MOCS1: variants seen among roughly 807,000 people sequenced by gnomAD.
The protein encoded by MOCS1 is molybdenum cofactor biosynthesis protein 1.
A neutral mutation model predicts 57.6 loss-of-function variants in MOCS1; 39 were observed. That is an observed-to-expected ratio of 0.68 (90% CI 0.52 to 0.88). MOCS1 has a LOEUF of 0.88. Among genes scored for constraint, MOCS1 ranks in the 40% least tolerant of loss-of-function variants. The probability of loss-of-function intolerance (pLI) is 0.00; values close to 1 mark genes in which losing one functional copy is unlikely to be tolerated. For missense variants in MOCS1, 795 were observed against 831.1 expected, an observed-to-expected ratio of 0.96 and a Z score of 0.53; for synonymous variants, 334 against 335.7, an observed-to-expected ratio of 1.00 and a Z score of 0.05.
chr6:39,927,156 T>A, intron 2 of MOCS1, 173 bp downstream of exon 2: 1 of 671,276 alleles, frequency 1.5e-6, no homozygotes, highest in Non-Finnish European at 2.6e-6. Context: ...AACTCAGCCT[T>A]GACCCCTATC....
intron 3 of MOCS1, among the ~76,000 whole-genome samples, chr6:39,924,667 AATGGGC>A (rs1310367090): frequency 2.0e-5 from 3 of 152,238 alleles, no homozygotes; most frequent in East Asian, 3.8e-4. Flanking sequence ...TATGTAAATG[AATGGGC>A]ATGGCTATAT....
intron 3 of MOCS1, among the ~76,000 whole-genome samples, chr6:39,922,608 G>T (rs1040838417): frequency 3.3e-5 from 5 of 152,134 alleles, no homozygotes; most frequent in African/African-American, 1.2e-4. Flanking sequence ...AAAAGAAGGG[G>T]CATGGGACTT....
chr6:39,914,326 T>C (rs1156651737), intron 4 of MOCS1, among the ~76,000 whole-genome samples: 1 of 152,120 alleles, frequency 6.6e-6, no homozygotes, highest in African/African-American at 2.4e-5. Context: ...AGACCCAGAG[T>C]GAGGCAATGC....
chr6:39,914,660 G>A (rs1767550734), intron 4 of MOCS1, among the ~76,000 whole-genome samples: 1 of 152,144 alleles, frequency 6.6e-6, no homozygotes, highest in Admixed American at 6.5e-5. Context: ...GCCTAGAGAT[G>A]GCCTCCATGG....
chr6:39,911,929 T>C lies in MOCS1; in HGVS notation c.981+335A>G, dbSNP rs143187655. 2.4e-3 allele frequency among the ~76,000 whole-genome samples: 370 copies of C among 152,326 alleles called. 1 individual carries two copies. The highest frequency in any genetic ancestry group is 8.4e-3 in the African/African-American group (350 of 41,578). ...ATTTCTGGTTTCAGAGCTGAGCCCC[T>C]GGCCTGGTGGAAGGGGCTAACCATG... is the stretch of plus-strand genomic sequence containing the variant. On this transcript the variant is annotated intron_variant, in intron 8 of 10. Transcript: ENST00000340692.
At position 39,904,696 on chromosome 6, in the gene MOCS1, A is replaced by G. The variant is rs865895422; in HGVS notation, c.*1661T>C. 2 of 452,868 alleles carry G rather than the reference A, an allele frequency of 4.4e-6. No homozygotes were observed. The highest frequency in any genetic ancestry group is 4.1e-5 in the African/African-American group (2 of 49,174). 28.1% of individuals were successfully genotyped at this position (452,868 alleles called of 1,614,324 possible). On this transcript the variant is annotated 3_prime_UTR_variant, in exon 11 of 11. Coordinates refer to ENST00000340692, the MANE Select transcript of MOCS1 (RefSeq NM_001358530.2). ...ACCAACTGGGGAACTGTGACTATCT[A>G]TCTCCCCCGACTTCTACCAGGGATG...
intron 3 of MOCS1, among the ~76,000 whole-genome samples, chr6:39,920,643 T>C (rs1767912511): frequency 6.6e-6 from 1 of 152,200 alleles, no homozygotes; most frequent in Admixed American, 6.5e-5. Context: ...ACACACAGCA[T>C]GACACTTACA....
intron 7 of MOCS1, among the ~76,000 whole-genome samples, chr6:39,912,583 A>AGCT (rs1767399081): frequency 6.6e-6 from 1 of 152,166 alleles, no homozygotes; most frequent in South Asian, 2.1e-4. Context: ...CCTAGATAAA[A>AGCT]GCTGCTAAGG....
chr6:39,916,122 T>G lies in MOCS1; in HGVS notation c.529A>C (p.Ile177Leu), dbSNP rs767025683. 6.2e-7 allele frequency: 1 copy of G among 1,613,906 alleles called. No homozygotes were observed. Among genetic ancestry groups the G allele is most frequent in the African/African-American group, 1.3e-5 (1 of 75,028 alleles). ...LQKAGLSAIN[I>L]SLDTLVPAKF... ...GCAGGCACCAGGGTGTCCAGGCTGA[T>G]GTTGATGGCACTGAGACCAGCCTTC... The change falls in exon 4 of 11, where the codon ATC (isoleucine) becomes CTC (leucine). Residue 177 changes from isoleucine (I) to leucine (L), a missense_variant. Coordinates refer to ENST00000340692, the MANE Select transcript of MOCS1 (RefSeq NM_001358530.2).
At chr6:39,920,024 G>C (rs1361261689) in intron 3 of MOCS1, among the ~76,000 whole-genome samples, 1 of 152,124 alleles carries the variant, frequency 6.6e-6, no homozygotes, top group Non-Finnish European at 1.5e-5. Context: ...TGTTTTTTCA[G>C]ATGGGGAGGA....
chr6:39,906,666 C>T lies in MOCS1; in HGVS notation c.1602G>A (p.Val534=), dbSNP rs1205991422. The T allele has an allele frequency of 1.2e-6, 2 of 1,613,926 alleles. No individual in the cohort carries two copies. Among genetic ancestry groups the T allele is most frequent in the East Asian group, 4.5e-5 (2 of 44,894 alleles). ...QNQLKKGDAL[V]VAQLAGVQAA... ...CCTGGACTCCAGCCAGCTGGGCCACCACTAGGGCATCTCCTTTCTTGAGCT... is the reference window on the plus strand; with the variant it reads ...CCTGGACTCCAGCCAGCTGGGCCACTACTAGGGCATCTCCTTTCTTGAGCT... The change falls in exon 11 of 11, where the codon GTG becomes GTA. Residue 534 remains valine (V), a synonymous_variant. Transcript: ENST00000340692.
chr6:39,930,278 T>C (rs1048348391), intron 1 of MOCS1, among the ~76,000 whole-genome samples: 2 of 152,162 alleles, frequency 1.3e-5, no homozygotes, highest in South Asian at 2.1e-4. Flanking sequence ...GAGGGAATTA[T>C]AGGACAGAGT....
intron 8 of MOCS1, among the ~76,000 whole-genome samples, chr6:39,910,760 C>G (rs1767274114): frequency 6.6e-6 from 1 of 152,204 alleles, no homozygotes; most frequent in Non-Finnish European, 1.5e-5. Flanking sequence ...CCCCAACCAG[C>G]CTCCAGGTTC....
intron 2 of MOCS1, among the ~76,000 whole-genome samples, chr6:39,926,480 T>C (rs988894551): frequency 3.3e-5 from 5 of 151,532 alleles, no homozygotes; most frequent in African/African-American, 1.2e-4. Context: ...CCACCATCAC[T>C]TCCTGTGGTG....
At position 39,905,521 on chromosome 6, in the gene MOCS1, T is replaced by G. The variant is rs765661606; in HGVS notation, c.*836A>C. 1.1e-5 allele frequency: 5 copies of G among 471,048 alleles called. No homozygotes were observed. The highest frequency in any genetic ancestry group is 3.2e-4 in the Middle Eastern group (1 of 3,100). The allele number at this position is 471,048 out of a possible 1,614,324, so 29.2% of individuals were successfully genotyped here. Reference sequence around the variant, plus strand: ...CCCACACAGTGTCTTCATTCTTGCATCTGCAAAGTTGGCATCGTAGCTTTA... The same window carrying G: ...CCCACACAGTGTCTTCATTCTTGCAGCTGCAAAGTTGGCATCGTAGCTTTA... On this transcript the variant is annotated 3_prime_UTR_variant, in exon 11 of 11. Coordinates refer to ENST00000340692, the MANE Select transcript of MOCS1 (RefSeq NM_001358530.2).
At chr6:39,925,209 C>T (rs536163055) in intron 3 of MOCS1, among the ~76,000 whole-genome samples, 1 of 151,926 alleles carries the variant, frequency 6.6e-6, no homozygotes, top group South Asian at 2.1e-4. Context: ...TGAGGACGCA[C>T]TTTAGACAGG....
rs1050993199 is a variant in MOCS1 at position 39,906,155 on chromosome 6, C to T, written c.*202G>A. 4.1e-6 allele frequency: 3 copies of T among 737,780 alleles called. No homozygotes were observed. Among genetic ancestry groups the T allele is most frequent in the Non-Finnish European group, 7.2e-6 (3 of 416,172 alleles). The allele number at this position is 737,780 out of a possible 1,614,324, so 45.7% of individuals were successfully genotyped here. A position where few individuals can be genotyped will look rare whatever the true frequency, so the allele number is the denominator to read the frequency against. ...GGCTTAAGGGCCTGCTGGTATCCTCCCTATAGAAAGGAAGCCCCATTGGTC... is the reference window on the plus strand; with the variant it reads ...GGCTTAAGGGCCTGCTGGTATCCTCTCTATAGAAAGGAAGCCCCATTGGTC... On this transcript the variant is annotated 3_prime_UTR_variant, in exon 11 of 11. Transcript: ENST00000340692.
chr6:39,925,896 A>G (rs771807369), intron 2 of MOCS1, 51 bp from the exon 3 acceptor site: 1 of 1,565,242 alleles, frequency 6.4e-7, no homozygotes, highest in Admixed American at 1.7e-5. Context: ...GCACGGCCAC[A>G]GCCCCGTGAT....
intron 1 of MOCS1, among the ~76,000 whole-genome samples, chr6:39,929,828 G>C (rs1351228005): frequency 6.6e-6 from 1 of 150,954 alleles, no homozygotes; most frequent in Non-Finnish European, 1.5e-5. Flanking sequence ...TGTAATCCCA[G>C]CTACTCGGGA....
Sources: gnomAD v4.1 joint callset for allele counts (sites outside exome capture counted in the v4.1 genomes callset) on GRCh38, gnomAD v4.1.1 for gene constraint, MANE v1.5 for transcripts, NCBI Gene and HGNC (gene_info 2026-07-23, HGNC 2026-07-21) for gene names.